Variants in MBD5 observed in about 807,000 individuals in gnomAD.
MBD5 encodes the protein methyl-CpG-binding domain protein 5.
A neutral mutation model predicts 117.3 loss-of-function variants in MBD5; 13 were observed. The ratio of observed to expected loss-of-function variants is 0.11; its 90% CI spans 0.07 to 0.18. The LOEUF is 0.18. Ranked by LOEUF, MBD5 falls within the 10% of genes least tolerant of loss-of-function variation. The pLI is 1.00. For synonymous variants in MBD5, 727 were observed against 766.4 expected, an observed-to-expected ratio of 0.95 and a Z score of 0.85; for missense variants, 1,879 against 2,093.8, an observed-to-expected ratio of 0.90 and a Z score of 2.00.
At chr2:148,297,383 C>A (rs1237916669) in intron 3 of MBD5, among the ~76,000 whole-genome samples, 1 of 152,180 alleles carries the variant, frequency 6.6e-6, no homozygotes, top group Non-Finnish European at 1.5e-5. Context: ...AGCACGCAGC[C>A]TTTCCCATGC....
chr2:148,261,211 G>A (rs527622293), intron 3 of MBD5, among the ~76,000 whole-genome samples: 1 of 152,262 alleles, frequency 6.6e-6, no homozygotes, highest in African/African-American at 2.4e-5. Context: ...AACTGCATTA[G>A]CCTCTAACAA....
At chr2:148,144,208 C>T (rs2105564899) in intron 1 of MBD5, among the ~76,000 whole-genome samples, 1 of 151,920 alleles carries the variant, frequency 6.6e-6, no homozygotes, top group South Asian at 2.1e-4. Flanking sequence ...TGATGATGAG[C>T]ATTTTTTCAT....
At chr2:148,132,033 C>A (rs1697060590) in intron 1 of MBD5, among the ~76,000 whole-genome samples, 1 of 152,048 alleles carries the variant, frequency 6.6e-6, no homozygotes, top group African/African-American at 2.4e-5. Flanking sequence ...TGAAGTCAGA[C>A]TTGAGCTGCA....
chr2:148,184,782 G>C (rs1390021193), intron 2 of MBD5, among the ~76,000 whole-genome samples: 2 of 152,142 alleles, frequency 1.3e-5, no homozygotes, highest in Non-Finnish European at 2.9e-5. Context: ...CTAGTATCCA[G>C]TCTGGCATTT....
intron 1 of MBD5, among the ~76,000 whole-genome samples, chr2:148,086,099 G>C (rs1466169472): frequency 7.3e-5 from 11 of 151,062 alleles, no homozygotes; most frequent in Admixed American, 4.6e-4. Flanking sequence ...GTCACTTCTG[G>C]GCTATTGCAT....
At position 148,470,001 on chromosome 2, in the gene MBD5, C is replaced by T. The variant is rs1278637553; in HGVS notation, c.2058C>T (p.Asp686=). The T allele has an allele frequency of 6.2e-7, 1 of 1,613,816 alleles. No homozygotes were observed. Among genetic ancestry groups the T allele is most frequent in the Non-Finnish European group, 8.5e-7 (1 of 1,179,808 alleles). ...DSSAVPKPGP[D]LLRKQGQGSF... ...CTGCAGTTCCTAAACCTGGACCTGA[C>T]TTGCTAAGGAAGCAGGGTCAGGGTT... is the stretch of plus-strand genomic sequence containing the variant. The change falls in exon 8 of 14, where the codon GAC becomes GAT. Residue 686 remains aspartate, a synonymous_variant. Transcript: ENST00000642680.
In MBD5 at chr2:148,508,071, G is replaced by A. The variant is rs548243013; in HGVS notation, c.5037-1989G>A. ...ACAGTGCGATATTGTCAGGCAACGT[G>A]GCAATGATAATACTGTCAGAACCCT... On this transcript the variant is annotated intron_variant, in intron 12 of 13. Coordinates refer to ENST00000642680, the MANE Select transcript of MBD5 (RefSeq NM_001378120.1). Among the ~76,000 whole-genome samples the A allele has an allele frequency of 5.9e-4, 90 of 152,258 alleles. 4 individuals carry two copies. The South Asian group carries it at 0.019, about 32-fold the overall frequency.
chr2:148,319,820 T>G (rs1397879687), intron 3 of MBD5, among the ~76,000 whole-genome samples: 2 of 152,174 alleles, frequency 1.3e-5, no homozygotes, highest in Non-Finnish European at 2.9e-5. Flanking sequence ...GTGGGCATCC[T>G]TATCTTGTTT....
intron 1 of MBD5, among the ~76,000 whole-genome samples, chr2:148,089,438 C>T (rs6750841): frequency 0.86 from 131,375 of 152,126 alleles, 56,933 homozygotes; most frequent in East Asian, 0.9. Flanking sequence ...ATAGACCATA[C>T]GATAGACCAC....
intron 4 of MBD5, among the ~76,000 whole-genome samples, chr2:148,382,292 AGGGG>A (rs1233520412): frequency 6.6e-6 from 1 of 152,178 alleles, no homozygotes; most frequent in Non-Finnish European, 1.5e-5. Flanking sequence ...AAAAAAAGGC[AGGGG>A]TTGCAATCCT....
chr2:148,500,976 A>G (rs1052867054), intron 11 of MBD5, among the ~76,000 whole-genome samples: 6 of 152,192 alleles, frequency 3.9e-5, no homozygotes, highest in Non-Finnish European at 2.9e-5. Context: ...CAGTAACCCA[A>G]TAGGACACTT....
chr2:148,356,791 C>G (rs1469737679), intron 4 of MBD5, among the ~76,000 whole-genome samples: 2 of 152,102 alleles, frequency 1.3e-5, no homozygotes, highest in African/African-American at 2.4e-5. Flanking sequence ...GGGAACTGCT[C>G]TTCCAGAGTC....
intron 1 of MBD5, among the ~76,000 whole-genome samples, chr2:148,171,499 A>G (rs1461898126): frequency 1.3e-5 from 2 of 152,232 alleles, no homozygotes; most frequent in Non-Finnish European, 2.9e-5. Context: ...TATGTATGAC[A>G]TTCAGCTAAC....
chr2:148,393,036 C>A (rs1704609918), intron 4 of MBD5, among the ~76,000 whole-genome samples: 1 of 152,030 alleles, frequency 6.6e-6, no homozygotes, highest in South Asian at 2.1e-4. Flanking sequence ...CAGTATATTT[C>A]TTTTCTGCAT....
At chr2:148,096,847 T>C (rs1696081128) in intron 1 of MBD5, among the ~76,000 whole-genome samples, 1 of 152,146 alleles carries the variant, frequency 6.6e-6, no homozygotes, top group Non-Finnish European at 1.5e-5. Context: ...TCAAGGCACC[T>C]AGTGAGGCAT....
chr2:148,155,136 G>T (rs913566592), intron 1 of MBD5, among the ~76,000 whole-genome samples: 1 of 152,188 alleles, frequency 6.6e-6, no homozygotes, highest in Non-Finnish European at 1.5e-5. Context: ...AGAAAAATGA[G>T]CGGGAAAGAT....
chr2:148,368,561 C>G (rs1703768371), intron 4 of MBD5, among the ~76,000 whole-genome samples: 1 of 152,168 alleles, frequency 6.6e-6, no homozygotes, highest in Non-Finnish European at 1.5e-5. Flanking sequence ...ACCTTCTGCT[C>G]TTACTAATTC....
chr2:148,375,881 TCTGA>T (rs1412880750), intron 4 of MBD5, among the ~76,000 whole-genome samples: 5 of 152,210 alleles, frequency 3.3e-5, no homozygotes, highest in East Asian at 1.9e-4. Context: ...TGTTAGCTGC[TCTGA>T]CTATCATCGT....
Position 148,194,703 on chromosome 2 carries a change from A to G in MBD5, c.-831+15910A>G, listed in dbSNP as rs1215369273. Among the ~76,000 whole-genome samples the G allele has an allele frequency of 4.6e-5, 6 of 131,688 alleles. No homozygotes were observed. In the East Asian group the frequency reaches 1.2e-3, roughly 26 times the overall value. 86.4% of individuals were successfully genotyped at this position (131,688 alleles called of 152,430 possible). A position where few individuals can be genotyped will look rare whatever the true frequency, so the allele number is the denominator to read the frequency against. On this transcript the variant is annotated intron_variant, in intron 2 of 13. Coordinates refer to ENST00000642680, the MANE Select transcript of MBD5 (RefSeq NM_001378120.1). Reference sequence around the variant, plus strand: ...TGCAGCGCACCAGCATGGCACATGTATACATATGTAACTAACCTGCACAAT... The same window carrying G: ...TGCAGCGCACCAGCATGGCACATGTGTACATATGTAACTAACCTGCACAAT...
Sources: allele counts gnomAD v4.1 joint callset (sites outside exome capture counted in the v4.1 genomes callset), GRCh38; gene constraint gnomAD v4.1.1; transcripts MANE v1.5; gene names NCBI Gene and HGNC (gene_info 2026-07-23, HGNC 2026-07-21).